Variants in PTPRG observed in about 807,000 individuals in gnomAD.
PTPRG encodes protein tyrosine phosphatase receptor type G.
A neutral mutation model predicts 165.3 loss-of-function variants in PTPRG; 102 were observed. That is an observed-to-expected ratio of 0.62 (90% CI 0.53 to 0.73). The LOEUF (loss-of-function observed/expected upper bound fraction) is 0.73. Among genes scored for constraint, PTPRG ranks in the 30% least tolerant of loss-of-function variants. The pLI is 0.00. For synonymous variants in PTPRG, 675 were observed against 669.5 expected (o/e 1.01, Z -0.13); for missense variants, 1,866 against 1,861.4 (o/e 1.00, Z -0.05).
chr3:61,643,276 A>AG (rs200371749), intron 1 of PTPRG, among the ~76,000 whole-genome samples: 6,148 of 150,234 alleles, frequency 0.041, 142 homozygotes, highest in Admixed American at 0.074. Context: ...AGAGAGAGAG[A>AG]AAGAGAGAGA....
Position 62,243,847 on chromosome 3 carries a change from A to G in PTPRG, c.2416A>G (p.Ser806Gly). 1.9e-6 allele frequency: 3 copies of G among 1,597,334 alleles called. No homozygotes were observed. The highest frequency in any genetic ancestry group is 2.6e-6 in the Non-Finnish European group (3 of 1,165,244). ...QTAHFYVEDS[S>G]SPRVVPNESI... ...TGCTCATTTCTATGTGGAAGACAGC[A>G]GTTCACCTCGAGTGGTCCCTAATGA... is the stretch of plus-strand genomic sequence containing the variant. Residue 806 changes from serine (S) to glycine (G), a missense_variant, in exon 15 of 30, where the codon AGT becomes GGT. Physicochemically the swap from Ser to Gly is moderately conservative, Grantham distance 56 (BLOSUM62 0). Coordinates refer to ENST00000474889, the MANE Select transcript of PTPRG (RefSeq NM_002841.4).
At chr3:61,563,313 T>C (rs1699816467) in intron 1 of PTPRG, among the ~76,000 whole-genome samples, 1 of 152,102 alleles carries the variant, frequency 6.6e-6, no homozygotes, top group Non-Finnish European at 1.5e-5. Flanking sequence ...ACAGGAACAA[T>C]ACTGGCCGTT....
At chr3:61,564,659 A>C (rs904488646) in intron 1 of PTPRG, among the ~76,000 whole-genome samples, 2 of 152,168 alleles carry the variant, frequency 1.3e-5, no homozygotes, top group Admixed American at 6.5e-5. Context: ...TTAAAATATC[A>C]GAGCTCTGGG....
chr3:62,095,994 TG>T (rs1200790489), intron 5 of PTPRG, among the ~76,000 whole-genome samples: 1 of 151,992 alleles, frequency 6.6e-6, no homozygotes, highest in Non-Finnish European at 1.5e-5. Flanking sequence ...AGACTTTTCT[TG>T]GGGAGCCAAT....
In PTPRG at chr3:61,584,027, T is replaced by A. The variant is rs541636101; in HGVS notation, c.85+21655T>A. 2.0e-5 allele frequency among the ~76,000 whole-genome samples: 3 copies of A among 152,300 alleles called. No individual in the cohort carries two copies. The South Asian group carries it at 6.2e-4, about 32-fold the overall frequency. ...CCAAAAATAATCCTTTAATAGTGGT[T>A]TCATTTCTTTGTTTGGTTTTTCGAG... On this transcript the variant is annotated intron_variant, in intron 1 of 29. Transcript: ENST00000474889.
At chr3:62,269,503 T>C (rs907964891) in intron 20 of PTPRG, among the ~76,000 whole-genome samples, 1 of 152,130 alleles carries the variant, frequency 6.6e-6, no homozygotes, top group Non-Finnish European at 1.5e-5. Context: ...CTGACAGATA[T>C]AAAGCATTGT....
intron 4 of PTPRG, among the ~76,000 whole-genome samples, chr3:62,062,772 T>C (rs6794249): frequency 0.79 from 120,042 of 152,032 alleles, 48,150 homozygotes; most frequent in South Asian, 0.92. Flanking sequence ...AAGTGATTGC[T>C]CTACTTCAGC....
chr3:61,779,802 T>A (rs1347217132), intron 2 of PTPRG, among the ~76,000 whole-genome samples: 1 of 152,218 alleles, frequency 6.6e-6, no homozygotes, highest in Non-Finnish European at 1.5e-5. Flanking sequence ...CCTGCTGTCC[T>A]CCTGCTGGCA....
At chr3:61,816,997 T>A (rs2035784018) in intron 2 of PTPRG, among the ~76,000 whole-genome samples, 1 of 125,284 alleles carries the variant, frequency 8.0e-6, no homozygotes, top group Non-Finnish European at 1.6e-5. Context: ...ATATATATAT[T>A]ATATAATATA....
intron 5 of PTPRG, among the ~76,000 whole-genome samples, chr3:62,114,794 A>G (rs1225722256): frequency 6.6e-6 from 1 of 151,968 alleles, no homozygotes; most frequent in Non-Finnish European, 1.5e-5. Flanking sequence ...GGTGCATGCC[A>G]CCTTGCCCTA....
chr3:61,693,114 A>T (rs918554577), intron 1 of PTPRG, among the ~76,000 whole-genome samples: 2 of 152,244 alleles, frequency 1.3e-5, no homozygotes, highest in African/African-American at 4.8e-5. Flanking sequence ...TTAAAAGTAC[A>T]ATTTGCCCAT....
chr3:61,997,951 C>CT (rs371105025), intron 3 of PTPRG, among the ~76,000 whole-genome samples: 4 of 151,846 alleles, frequency 2.6e-5, no homozygotes, highest in Non-Finnish European at 4.4e-5. Context: ...TAATGGTAGG[C>CT]TTTTTTTTCT....
intron 2 of PTPRG, among the ~76,000 whole-genome samples, chr3:61,900,903 C>T (rs953387886): frequency 2.6e-4 from 40 of 152,160 alleles, no homozygotes; most frequent in Non-Finnish European, 4.9e-4. Flanking sequence ...TCTAACCTCA[C>T]GAAGCCTCCA....
intron 2 of PTPRG, among the ~76,000 whole-genome samples, chr3:61,984,245 GC>G (rs2040705744): frequency 1.3e-5 from 2 of 152,154 alleles, no homozygotes; most frequent in Admixed American, 1.3e-4. Flanking sequence ...GCAGAAATGA[GC>G]TATAGGTTAA....
chr3:61,941,026 C>T lies in PTPRG; in HGVS notation c.191-48599C>T, dbSNP rs568966981. Among the ~76,000 whole-genome samples the T allele has an allele frequency of 5.0e-4, 76 of 152,342 alleles. 1 individual carries two copies. In the South Asian group the frequency reaches 0.016, roughly 32 times the overall value. ...AGACACATTGACATTCTGATCCCAACAGCAGCCATTACTTATTGACTCTTC... is the reference window on the plus strand; with the variant it reads ...AGACACATTGACATTCTGATCCCAATAGCAGCCATTACTTATTGACTCTTC... On this transcript the variant is annotated intron_variant, in intron 2 of 29. Transcript: ENST00000474889.
At chr3:61,626,404 C>A (rs564105450) in intron 1 of PTPRG, among the ~76,000 whole-genome samples, 1 of 152,134 alleles carries the variant, frequency 6.6e-6, no homozygotes, top group East Asian at 1.9e-4. Context: ...AGCCTGAATT[C>A]CATTTTTTCT....
intron 3 of PTPRG, among the ~76,000 whole-genome samples, chr3:61,992,511 C>T (rs1313982410): frequency 1.3e-5 from 2 of 152,034 alleles, no homozygotes; most frequent in East Asian, 3.9e-4. Context: ...AGACAGCCAC[C>T]TCCATGCCCG....
At chr3:61,843,823 T>TC (rs1488811462) in intron 2 of PTPRG, among the ~76,000 whole-genome samples, 2 of 151,388 alleles carry the variant, frequency 1.3e-5, no homozygotes, top group African/African-American at 4.9e-5. Context: ...GGACATTTCT[T>TC]TAAAAAAAAA....
intron 5 of PTPRG, among the ~76,000 whole-genome samples, chr3:62,084,135 T>G (rs144380936): frequency 4.8e-4 from 73 of 152,354 alleles, no homozygotes; most frequent in South Asian, 1.2e-3. Flanking sequence ...TGGTCAGTTC[T>G]GAATCTTTGC....
Sources: gnomAD v4.1 joint callset for allele counts (sites outside exome capture counted in the v4.1 genomes callset) on GRCh38, gnomAD v4.1.1 for gene constraint, MANE v1.5 for transcripts, NCBI Gene and HGNC (gene_info 2026-07-23, HGNC 2026-07-21) for gene names.